The following TMEM109 variants were observed in gnomAD, a reference collection of about 807,000 sequenced individuals.
TMEM109 encodes voltage-gated monoatomic cation channel TMEM109.
TMEM109 carries 19 observed loss-of-function variants against 26.4 expected under a neutral mutation model. The ratio of observed to expected loss-of-function variants is 0.72; its 90% CI spans 0.50 to 1.06. The LOEUF (loss-of-function observed/expected upper bound fraction) is 1.06. Ranked by LOEUF, TMEM109 falls within the 50% of genes least tolerant of loss-of-function variation. The pLI is 0.00. For synonymous variants in TMEM109, 129 were observed against 142.0 expected (o/e 0.91, Z 0.65); for missense variants, 262 against 303.4 (o/e 0.86, Z 1.01).
intron 3 of TMEM109, 29 bp from the exon 4 acceptor site, chr11:60,921,745 G>A (rs1415859660): frequency 1.9e-6 from 3 of 1,580,330 alleles, no homozygotes; most frequent in Admixed American, 3.4e-5. Flanking sequence ...CTCCAGGTTG[G>A]CTGACTCTGT....
In TMEM109 at chr11:60,920,883, C is replaced by T. The variant is rs1856227963; in HGVS notation, c.238-3C>T. 6.2e-7 allele frequency: 1 copy of T among 1,613,524 alleles called. No homozygotes were observed. Among genetic ancestry groups the T allele is most frequent in the Non-Finnish European group, 8.5e-7 (1 of 1,179,448 alleles). ...CTCATCTCGCTCCGTGCTCTTTCCACAGTCTTCGTCCCAAGTGTTGTGGGC... is the reference window on the plus strand; with the variant it reads ...CTCATCTCGCTCCGTGCTCTTTCCATAGTCTTCGTCCCAAGTGTTGTGGGC... On this transcript the variant is annotated splice_region_variant and splice_polypyrimidine_tract_variant and intron_variant, in intron 2 of 3. Coordinates refer to ENST00000227525, the MANE Select transcript of TMEM109 (RefSeq NM_024092.3).
At chr11:60,920,122 C>T (rs1200706071) in intron 2 of TMEM109, among the ~76,000 whole-genome samples, 192 bp downstream of exon 2, 2 of 152,202 alleles carry the variant, frequency 1.3e-5, no homozygotes, top group Non-Finnish European at 2.9e-5. Flanking sequence ...CCTTTTAGCT[C>T]CACCCCTATC....
chr11:60,921,752 C>G, intron 3 of TMEM109, 22 bp from the exon 4 acceptor site: 3 of 1,595,206 alleles, frequency 1.9e-6, no homozygotes, highest in Non-Finnish European at 2.6e-6. Flanking sequence ...TTGGCTGACT[C>G]TGTGACTCTC....
Position 60,922,022 on chromosome 11 carries a change from G to A in TMEM109, c.589G>A (p.Ala197Thr), listed in dbSNP as rs375366268. 2.2e-4 allele frequency: 362 copies of A among 1,612,648 alleles called. No individual in the cohort carries two copies. Among genetic ancestry groups the A allele is most frequent in the Non-Finnish European group, 3.0e-4 (355 of 1,179,996 alleles). ...LLLLALLILY[A>T]LLSRLTGSRA... is the part of the protein sequence containing the mutation. ...ACTCCTGGCCTTGCTGATCCTCTACGCCCTGCTGAGCCGGCTCACTGGCTC... is the reference window on the plus strand; with the variant it reads ...ACTCCTGGCCTTGCTGATCCTCTACACCCTGCTGAGCCGGCTCACTGGCTC... Residue 197 changes from alanine (A) to threonine (T), a missense_variant, in exon 4 of 4, where the codon GCC becomes ACC. Transcript: ENST00000227525.
chr11:60,919,884 C>A lies in TMEM109; in HGVS notation c.191C>A (p.Thr64Lys). Residue 64 changes from threonine to lysine, a missense_variant, in exon 2 of 4, where the codon ACA becomes AAA. Physicochemically the swap from Thr to Lys is moderately conservative, Grantham distance 78. Transcript: ENST00000227525. ...CAGATAGGTCGATCTGTGCGAGGGA[C>A]ACTGGATGCCTGGATTGGGCCAGAG... ...LTQIGRSVRG[T>K]LDAWIGPETM... 1 of 1,614,208 alleles carries A rather than the reference C, an allele frequency of 6.2e-7. No homozygotes were observed. Among genetic ancestry groups the A allele is most frequent in the South Asian group, 1.1e-5 (1 of 91,086 alleles).
rs78866318 is a variant in TMEM109, at chr11:60,921,051, T to G, written c.340+63T>G. On this transcript the variant is annotated intron_variant, in intron 3 of 3. Coordinates refer to ENST00000227525, the MANE Select transcript of TMEM109 (RefSeq NM_024092.3). ...GCCTGTACTTTCCTACTTGTGGGAG[T>G]TCATCTTTGTCAGGGTCTAGCCTTT... 129 of 1,405,990 alleles carry G rather than the reference T, an allele frequency of 9.2e-5. 1 individual carries two copies. The East Asian group carries it at 2.9e-3, about 32-fold the overall frequency. The allele number at this position is 1,405,990 out of a possible 1,614,324, so 87.1% of individuals were successfully genotyped here.
Position 60,922,281 on chromosome 11 carries a change from C to CATTG in TMEM109, c.*119_*122dup. 1 of 1,544,110 alleles carries CATTG rather than the reference C, an allele frequency of 6.5e-7. No individual in the cohort carries two copies. The stretch of plus-strand genomic sequence containing the variant: ...TTGCCCTGTCTCTGAACCTTCAGAA[C>CATTG]ATTGATCCTTGCCGCAGCCCCACTA... On this transcript the variant is annotated 3_prime_UTR_variant, in exon 4 of 4. Transcript: ENST00000227525.
chr11:60,916,786 G>A (rs1856179299), intron 1 of TMEM109, among the ~76,000 whole-genome samples: 1 of 152,190 alleles, frequency 6.6e-6, no homozygotes, highest in Non-Finnish European at 1.5e-5. Context: ...GGAGAGTTGG[G>A]GCTGGCACAG....
rs1371837315 is a variant in TMEM109 at position 60,922,760 on chromosome 11, G to A, written c.*595G>A. 3 of 195,968 alleles carry A rather than the reference G, an allele frequency of 1.5e-5. No individual in the cohort carries two copies. The highest frequency in any genetic ancestry group is 3.2e-5 in the Non-Finnish European group (3 of 93,434). 12.1% of individuals were successfully genotyped at this position (195,968 alleles called of 1,614,324 possible). A position where few individuals can be genotyped will look rare whatever the true frequency, so the allele number is the denominator to read the frequency against. ...TCCCCTGAGGCCTGTGGGGGCTGCA[G>A]GGGAGGAGGATGTACCTTGTGTCTC... On this transcript the variant is annotated 3_prime_UTR_variant, in exon 4 of 4. Transcript: ENST00000227525.
Position 60,922,697 on chromosome 11 carries a change from G to C in TMEM109, c.*532G>C, listed in dbSNP as rs1856261930. The C allele has an allele frequency of 4.1e-6, 1 of 245,766 alleles. No homozygotes were observed. The highest frequency in any genetic ancestry group is 4.7e-5 in the Admixed American group (1 of 21,144). The allele number at this position is 245,766 out of a possible 1,614,324, so 15.2% of individuals were successfully genotyped here. A position where few individuals can be genotyped will look rare whatever the true frequency, so the allele number is the denominator to read the frequency against. ...TTGCCCAGCAGTAGGGAGGGGCAGG[G>C]GTAAGGGGACCTGAGGATAAAGGGT... On this transcript the variant is annotated 3_prime_UTR_variant, in exon 4 of 4. Coordinates refer to ENST00000227525, the MANE Select transcript of TMEM109 (RefSeq NM_024092.3).
intron 1 of TMEM109, among the ~76,000 whole-genome samples, chr11:60,916,439 C>T (rs962746095): frequency 1.3e-5 from 2 of 152,178 alleles, no homozygotes; most frequent in African/African-American, 4.8e-5. Flanking sequence ...AGTTTTAAGA[C>T]ATGCTTCCTC....
At chr11:60,921,717 G>T (rs547201895) in intron 3 of TMEM109, 57 bp from the exon 4 acceptor site, 1 of 1,415,220 alleles carries the variant, frequency 7.1e-7, no homozygotes. Context: ...CTCTTGCCCC[G>T]CTCTCCCCTC....
rs929867917 is a variant in TMEM109 at position 60,923,066 on chromosome 11, C to G, written c.*901C>G. On this transcript the variant is annotated 3_prime_UTR_variant, in exon 4 of 4. Transcript: ENST00000227525. ...TGCACAACTGCATGCACTTCTCTCC[C>G]CATCGCTCCACAACCTGAAACCGAG... The G allele has an allele frequency of 6.6e-6, 1 of 152,592 alleles. No individual in the cohort carries two copies. Among genetic ancestry groups the G allele is most frequent in the African/African-American group, 2.4e-5 (1 of 41,462 alleles). 9.5% of individuals were successfully genotyped at this position (152,592 alleles called of 1,614,324 possible).
Position 60,922,106 on chromosome 11 carries a change from G to A in TMEM109, c.673G>A (p.Glu225Lys), listed in dbSNP as rs1856249298. 1.2e-6 allele frequency: 2 copies of A among 1,612,540 alleles called. No individual in the cohort carries two copies. Among genetic ancestry groups the A allele is most frequent in the South Asian group, 1.1e-5 (1 of 91,006 alleles). ...GCGAGGGCTGGAACGCCAGGTGGAG[G>A]AGCTGCGCTGGCGCCAGAGGCGAGC... ...KVRGLERQVE[E>K]LRWRQRRAAK... Residue 225 changes from glutamate (E) to lysine (K), a missense_variant, in exon 4 of 4, where the codon GAG becomes AAG. Physicochemically the swap from Glu to Lys is moderately conservative, Grantham distance 56. Transcript: ENST00000227525.
chr11:60,923,252 T>C lies in TMEM109; in HGVS notation c.*1087T>C, dbSNP rs1277529778. 2 of 152,694 alleles carry C rather than the reference T, an allele frequency of 1.3e-5. No homozygotes were observed. Among genetic ancestry groups the C allele is most frequent in the Non-Finnish European group, 2.9e-5 (2 of 68,054 alleles). The allele number at this position is 152,694 out of a possible 1,614,324, so 9.5% of individuals were successfully genotyped here. On this transcript the variant is annotated 3_prime_UTR_variant, in exon 4 of 4. Coordinates refer to ENST00000227525, the MANE Select transcript of TMEM109 (RefSeq NM_024092.3). The stretch of plus-strand genomic sequence containing the variant: ...AGGGGCCACTTTTCCTTTGAGGCTC[T>C]AGTGGAGGTGGATGTCCTTCTCTGC...
At position 60,921,006 on chromosome 11, in the gene TMEM109, G is replaced by A; in HGVS notation, c.340+18G>A. On this transcript the variant is annotated intron_variant, in intron 3 of 3. Transcript: ENST00000227525. Reference sequence around the variant, plus strand: ...ACTAGCTGGTGAGTGTTCGAGTGCTGGGTAGTCAGCCAGAGCTTTGCCTGT... The same window carrying A: ...ACTAGCTGGTGAGTGTTCGAGTGCTAGGTAGTCAGCCAGAGCTTTGCCTGT... The A allele has an allele frequency of 1.2e-6, 2 of 1,606,496 alleles. No homozygotes were observed. The highest frequency in any genetic ancestry group is 1.7e-6 in the Non-Finnish European group (2 of 1,173,462).
At position 60,922,988 on chromosome 11, in the gene TMEM109, C is replaced by G. The variant is rs1856268197; in HGVS notation, c.*823C>G. The G allele has an allele frequency of 2.0e-5, 3 of 152,678 alleles. No homozygotes were observed. The highest frequency in any genetic ancestry group is 7.2e-5 in the African/African-American group (3 of 41,446). The allele number at this position is 152,678 out of a possible 1,614,324, so 9.5% of individuals were successfully genotyped here. On this transcript the variant is annotated 3_prime_UTR_variant, in exon 4 of 4. Transcript: ENST00000227525. ...TGGGACCTTGCTGGGCATTATATGC[C>G]CTGTGGGGGTTTCAGAGACCCTGAA...
In TMEM109 at chr11:60,921,913, G is replaced by A. The variant is rs751077165; in HGVS notation, c.480G>A (p.Leu160=). 2 of 1,614,194 alleles carry A rather than the reference G, an allele frequency of 1.2e-6. No individual in the cohort carries two copies. The highest frequency in any genetic ancestry group is 2.2e-5 in the South Asian group (2 of 91,082). ...TCTTGGCCTTGCTGGGGCGGATCCT[G>A]TGGGGCCTGAAGCTTGTCATCTTCC... The part of the protein sequence containing the change: ...GLVLALLGRI[L]WGLKLVIFLA... Residue 160 remains leucine (L), a synonymous_variant, in exon 4 of 4, where the codon CTG becomes CTA. Transcript: ENST00000227525.
At chr11:60,917,590 T>C (rs894516806) in intron 1 of TMEM109, among the ~76,000 whole-genome samples, 54 of 152,298 alleles carry the variant, frequency 3.5e-4, no homozygotes, top group African/African-American at 1.3e-3. Flanking sequence ...AGTTGTTAGG[T>C]AATTTTCACC....
Sources: allele counts gnomAD v4.1 joint callset (sites outside exome capture counted in the v4.1 genomes callset), GRCh38; gene constraint gnomAD v4.1.1; transcripts MANE v1.5; gene names NCBI Gene and HGNC (gene_info 2026-07-23, HGNC 2026-07-21).